The following GPRC5C variants were observed in gnomAD, a reference collection of about 807,000 sequenced individuals.
GPRC5C encodes the protein G protein-coupled receptor family C group 5 member C.
GPRC5C carries 22 observed loss-of-function variants against 31.4 expected under a neutral mutation model. The ratio of observed to expected loss-of-function variants is 0.70; its 90% CI spans 0.50 to 1.00. The LOEUF is 1.00. Among genes scored for constraint, GPRC5C ranks in the 50% least tolerant of loss-of-function variants. The probability of loss-of-function intolerance (pLI) is 0.00; values close to 1 mark genes in which losing one functional copy is unlikely to be tolerated. For synonymous variants in GPRC5C, 249 were observed against 257.5 expected, an observed-to-expected ratio of 0.97 and a Z score of 0.32; for missense variants, 557 against 597.2, an observed-to-expected ratio of 0.93 and a Z score of 0.70.
Position 74,447,407 on chromosome 17 carries a change from T to C in GPRC5C, c.*379T>C, listed in dbSNP as rs2055658793. 1.0e-6 allele frequency: 1 copy of C among 983,652 alleles called. No individual in the cohort carries two copies. The highest frequency in any genetic ancestry group is 5.8e-5 in the Admixed American group (1 of 17,264). The allele number at this position is 983,652 out of a possible 1,614,324, so 60.9% of individuals were successfully genotyped here. On this transcript the variant is annotated 3_prime_UTR_variant, in exon 4 of 4. Transcript: ENST00000392627. ...CTCTGTGAGGAACAAGGGTGCCTAA[T>C]AAATACATTTCTGCTTTATTAACTC...
At position 74,433,730 on chromosome 17, in the gene GPRC5C, C is replaced by T. The variant is rs118019667; in HGVS notation, c.-33+1589C>T. ...TCCCTGAAGAGTGCCCTGGTCACAG[C>T]ACCCTTGAAGACAGCCATTGGCCAT... On this transcript the variant is annotated intron_variant, in intron 1 of 3. Coordinates refer to ENST00000392627, the MANE Select transcript of GPRC5C (RefSeq NM_022036.4). The T allele has an allele frequency of 2.0e-3, 3,255 of 1,613,640 alleles. 75 individuals carry two copies. The East Asian group carries it at 0.056, about 28-fold the overall frequency.
downstream of GPRC5C, among the ~76,000 whole-genome samples, chr17:74,448,542 T>C (rs1017969268): frequency 6.6e-6 from 1 of 152,084 alleles, no homozygotes; most frequent in African/African-American, 2.4e-5. Flanking sequence ...CACACCTGGC[T>C]AACTTTTTGT....
intron 3 of GPRC5C, 26 bp from the exon 4 acceptor site, chr17:74,446,823 G>A: frequency 6.3e-7 from 1 of 1,578,956 alleles, no homozygotes; most frequent in Non-Finnish European, 8.7e-7. Context: ...ATCCCCGACT[G>A]TGAGACCGCC....
At position 74,443,260 on chromosome 17, in the gene GPRC5C, G is replaced by C. The variant is rs144135126; in HGVS notation, c.1052-558G>C. 903 of 221,292 alleles carry C rather than the reference G, an allele frequency of 4.1e-3. 8 individuals carry two copies. The highest frequency in any genetic ancestry group is 0.019 in the African/African-American group (821 of 42,128). 13.7% of individuals were successfully genotyped at this position (221,292 alleles called of 1,614,324 possible). On this transcript the variant is annotated intron_variant, in intron 2 of 3. Coordinates refer to ENST00000392627, the MANE Select transcript of GPRC5C (RefSeq NM_022036.4). ...TAAAAATAGTTCTGGAAACTTGCCA[G>C]GGGGCCACAGGCTGGGACGTGCGTT...
chr17:74,442,241 G>A (rs1347679734), intron 2 of GPRC5C, among the ~76,000 whole-genome samples: 12 of 152,218 alleles, frequency 7.9e-5, no homozygotes, highest in Middle Eastern at 3.2e-3. Flanking sequence ...AACCTCAAGT[G>A]ATCCGCCTGC....
chr17:74,440,081 G>A lies in GPRC5C; in HGVS notation c.305G>A (p.Cys102Tyr). The A allele has an allele frequency of 5.0e-6, 8 of 1,613,624 alleles. No homozygotes were observed. Among genetic ancestry groups the A allele is most frequent in the Non-Finnish European group, 6.8e-6 (8 of 1,180,020 alleles). ...FFLLGTLGLF[C>Y]LVFACVVKPD... ...CTTCTGGGGACCCTGGGCCTCTTCT[G>A]CCTCGTGTTTGCCTGTGTGGTGAAG... Residue 102 changes from cysteine to tyrosine, a missense_variant, in exon 2 of 4, where the codon TGC (cysteine) becomes TAC (tyrosine). Coordinates refer to ENST00000392627, the MANE Select transcript of GPRC5C (RefSeq NM_022036.4). The surrounding 1 kb of genome is among the most constrained non-coding windows in gnomAD (Gnocchi z 4.4).
At chr17:74,451,237 G>A (rs971059672), downstream of GPRC5C, 2 of 152,178 alleles carry the variant, frequency 1.3e-5, no homozygotes, top group East Asian at 1.9e-4. Flanking sequence ...AGGAGTCCCC[G>A]GCAGGGCCTG....
chr17:74,440,051 T>C lies in GPRC5C; in HGVS notation c.275T>C (p.Phe92Ser). 1 of 1,612,416 alleles carries C rather than the reference T, an allele frequency of 6.2e-7. No homozygotes were observed. The highest frequency in any genetic ancestry group is 1.1e-5 in the South Asian group (1 of 91,078). The part of the protein sequence containing the change: ...KKRSLLGTQV[F>S]FLLGTLGLFC... ...CGGAGCCTGCTGGGGACCCAGGTATTCTTCCTTCTGGGGACCCTGGGCCTC... is the reference window on the plus strand; with the variant it reads ...CGGAGCCTGCTGGGGACCCAGGTATCCTTCCTTCTGGGGACCCTGGGCCTC... The change falls in exon 2 of 4, where the codon TTC becomes TCC. Residue 92 changes from phenylalanine (F) to serine (S), a missense_variant. Coordinates refer to ENST00000392627, the MANE Select transcript of GPRC5C (RefSeq NM_022036.4). The surrounding 1 kb of genome is among the most constrained non-coding windows in gnomAD (Gnocchi z 4.4).
Position 74,443,864 on chromosome 17 carries a change from G to T in GPRC5C, c.1098G>T (p.Leu366=). ...SPYSGYNGQL[L]TSVYQPTEMA... ...ACAGCGGGTACAATGGGCAGCTGCT[G>T]ACCAGTGTGTACCAGCCCACTGAGA... The change falls in exon 3 of 4, where the codon CTG becomes CTT. Residue 366 remains leucine (L), a synonymous_variant. Transcript: ENST00000392627. The T allele has an allele frequency of 6.2e-7, 1 of 1,613,778 alleles. No homozygotes were observed. Among genetic ancestry groups the T allele is most frequent in the Non-Finnish European group, 8.5e-7 (1 of 1,179,740 alleles).
Position 74,439,902 on chromosome 17 carries a change from G to A in GPRC5C, c.126G>A (p.Leu42=), listed in dbSNP as rs747744307. The A allele has an allele frequency of 6.2e-7, 1 of 1,612,934 alleles. No homozygotes were observed. Among genetic ancestry groups the A allele is most frequent in the Non-Finnish European group, 8.5e-7 (1 of 1,180,028 alleles). The change falls in exon 2 of 4, where the codon CTG becomes CTA. Residue 42 remains leucine (L), a synonymous_variant. Coordinates refer to ENST00000392627, the MANE Select transcript of GPRC5C (RefSeq NM_022036.4). ...SQGLNPLYYN[L]CDRSGAWGIV... Reference sequence around the variant, plus strand: ...GCCTCAACCCCCTGTACTACAACCTGTGTGACCGCTCTGGGGCGTGGGGCA... The same window carrying A: ...GCCTCAACCCCCTGTACTACAACCTATGTGACCGCTCTGGGGCGTGGGGCA...
chr17:74,446,920 G>T lies in GPRC5C; in HGVS notation c.1218G>T (p.Ser406=). Reference sequence around the variant, plus strand: ...GCCAGGTGATGGGCAGTGCCAACTCGACCCTGCGGGCTGAAGACATGTACT... The same window carrying T: ...GCCAGGTGATGGGCAGTGCCAACTCTACCCTGCGGGCTGAAGACATGTACT... The part of the protein sequence containing the change: ...ANSQVMGSAN[S]TLRAEDMYSA... Residue 406 remains serine, a synonymous_variant, in exon 4 of 4, where the codon TCG becomes TCT. Coordinates refer to ENST00000392627, the MANE Select transcript of GPRC5C (RefSeq NM_022036.4). The T allele has an allele frequency of 4.3e-6, 7 of 1,614,094 alleles. No homozygotes were observed. The highest frequency in any genetic ancestry group is 5.1e-6 in the Non-Finnish European group (6 of 1,179,966).
At chr17:74,433,384 T>C (rs2055384248) in intron 1 of GPRC5C, among the ~76,000 whole-genome samples, 1 of 147,232 alleles carries the variant, frequency 6.8e-6, no homozygotes, top group Non-Finnish European at 1.5e-5. Flanking sequence ...TGCCTGGTCT[T>C]GGTGCGGGGC....
chr17:74,439,910 G>C lies in GPRC5C; in HGVS notation c.134G>C (p.Arg45Pro). 6.2e-7 allele frequency: 1 copy of C among 1,612,614 alleles called. No homozygotes were observed. Among genetic ancestry groups the C allele is most frequent in the Non-Finnish European group, 8.5e-7 (1 of 1,180,006 alleles). The change falls in exon 2 of 4, where the codon CGC becomes CCC. Residue 45 changes from arginine (R) to proline (P), a missense_variant. Physicochemically the swap from Arg to Pro is moderately radical, Grantham distance 103. Coordinates refer to ENST00000392627, the MANE Select transcript of GPRC5C (RefSeq NM_022036.4). Reference sequence around the variant, plus strand: ...CCCCTGTACTACAACCTGTGTGACCGCTCTGGGGCGTGGGGCATCGTCCTG... The same window carrying C: ...CCCCTGTACTACAACCTGTGTGACCCCTCTGGGGCGTGGGGCATCGTCCTG... Reference protein sequence around the residue: ...LNPLYYNLCDRSGAWGIVLEA... With the variant: ...LNPLYYNLCDPSGAWGIVLEA...
chr17:74,443,691 T>C (rs1423067538), intron 2 of GPRC5C, 127 bp from the exon 3 acceptor site: 2 of 797,332 alleles, frequency 2.5e-6, no homozygotes, highest in Non-Finnish European at 4.4e-6. Context: ...GGTTAGAGAC[T>C]ATGCCAGGGT....
chr17:74,440,518 A>G lies in GPRC5C; in HGVS notation c.742A>G (p.Thr248Ala), dbSNP rs1443380875. 1 of 1,614,032 alleles carries G rather than the reference A, an allele frequency of 6.2e-7. No homozygotes were observed. Among genetic ancestry groups the G allele is most frequent in the East Asian group, 2.2e-5 (1 of 44,852 alleles). ...WRKHGVFVLL[T>A]TATSVAIWVV... ...TAAGCATGGGGTCTTTGTGCTCCTC[A>G]CCACAGCCACCTCCGTTGCCATATG... is the stretch of plus-strand genomic sequence containing the variant. Residue 248 changes from threonine (T) to alanine (A), a missense_variant, in exon 2 of 4, where the codon ACC becomes GCC. Coordinates refer to ENST00000392627, the MANE Select transcript of GPRC5C (RefSeq NM_022036.4). The surrounding 1 kb of genome is among the most constrained non-coding windows in gnomAD (Gnocchi z 4.4).
At chr17:74,434,277 G>C (rs900514285) in intron 1 of GPRC5C, among the ~76,000 whole-genome samples, 2 of 152,176 alleles carry the variant, frequency 1.3e-5, no homozygotes, top group African/African-American at 4.8e-5. Flanking sequence ...CCCCCTCCTT[G>C]AACCCTCTGA....
chr17:74,439,617 A>T, intron 1 of GPRC5C, 128 bp from the exon 2 acceptor site: 1 of 823,558 alleles, frequency 1.2e-6, no homozygotes, highest in Non-Finnish European at 1.9e-6. Flanking sequence ...AAGGATTCTG[A>T]GGTCCAGAGA....
In GPRC5C at chr17:74,447,340, A is replaced by G; in HGVS notation, c.*312A>G. On this transcript the variant is annotated 3_prime_UTR_variant, in exon 4 of 4. Transcript: ENST00000392627. Reference sequence around the variant, plus strand: ...CTATGTTTCTCTGGAGATTCCTGCAACCTCAAGAGACTTCCCAGGCGCTCA... The same window carrying G: ...CTATGTTTCTCTGGAGATTCCTGCAGCCTCAAGAGACTTCCCAGGCGCTCA... 3.6e-6 allele frequency: 4 copies of G among 1,100,504 alleles called. No homozygotes were observed. Among genetic ancestry groups the G allele is most frequent in the Non-Finnish European group, 4.4e-6 (4 of 902,442 alleles). 68.2% of individuals were successfully genotyped at this position (1,100,504 alleles called of 1,614,324 possible).
intron 1 of GPRC5C, among the ~76,000 whole-genome samples, chr17:74,438,342 C>T (rs79194864): frequency 0.076 from 11,359 of 149,738 alleles, 1,005 homozygotes; most frequent in African/African-American, 0.21. Context: ...CTCACTGCAA[C>T]TTCCACCTCC....
Sources: gnomAD v4.1 joint callset for allele counts (sites outside exome capture counted in the v4.1 genomes callset) on GRCh38, gnomAD v4.1.1 for gene constraint, Gnocchi (gnomAD v3.1) non-coding constraint, MANE v1.5 for transcripts, NCBI Gene and HGNC (gene_info 2026-07-23, HGNC 2026-07-21) for gene names.